Variants in AUTS2 observed in about 807,000 individuals in gnomAD.
AUTS2 encodes the protein activator of transcription and developmental regulator AUTS2.
A neutral mutation model predicts 112.4 loss-of-function variants in AUTS2; 17 were observed. The observed-to-expected ratio is 0.15, with a 90% CI of 0.10 to 0.23. The LOEUF (loss-of-function observed/expected upper bound fraction) is 0.23, where lower values mean the gene tolerates loss of function less well. AUTS2 is among the 10% of genes least tolerant of loss of function. The pLI, the probability that AUTS2 is intolerant of heterozygous loss-of-function variation, is 1.00. For missense variants in AUTS2, 1,510 were observed against 1,701.6 expected (o/e 0.89, Z 1.98); for synonymous variants, 751 against 702.7 (o/e 1.07, Z -1.09).
intron 4 of AUTS2, among the ~76,000 whole-genome samples, chr7:70,282,211 C>G (rs1333655970): frequency 6.6e-6 from 1 of 152,106 alleles, no homozygotes; most frequent in Non-Finnish European, 1.5e-5. Flanking sequence ...CTAGCATGCA[C>G]CTCAAAACTC....
chr7:69,882,022 C>T (rs1036386652), intron 1 of AUTS2, among the ~76,000 whole-genome samples: 2 of 151,444 alleles, frequency 1.3e-5, no homozygotes, highest in African/African-American at 4.9e-5. Context: ...TGGTGGTGCA[C>T]GCCTGTAACC....
At position 69,895,060 on chromosome 7, in the gene AUTS2, A is replaced by G. The variant is rs1370485936; in HGVS notation, c.310-4226A>G. ...AGAGACTGCCCAGGTTTCCTTAAGG[A>G]AGTTCTTAAATTAGTGCTACTGGTT... On this transcript the variant is annotated intron_variant, in intron 1 of 18. Coordinates refer to ENST00000342771, the MANE Select transcript of AUTS2 (RefSeq NM_015570.4). Among the ~76,000 whole-genome samples the G allele has an allele frequency of 3.3e-5, 5 of 152,120 alleles. No individual in the cohort carries two copies. The East Asian group carries it at 9.6e-4, about 29-fold the overall frequency.
chr7:69,743,041 C>CT (rs1317282885), intron 1 of AUTS2, among the ~76,000 whole-genome samples: 1 of 152,202 alleles, frequency 6.6e-6, no homozygotes, highest in African/African-American at 2.4e-5. Context: ...GGAGGCAACA[C>CT]TTTGATGCTT....
intron 4 of AUTS2, among the ~76,000 whole-genome samples, chr7:70,323,357 A>T (rs1790342659): frequency 6.6e-6 from 1 of 152,104 alleles, no homozygotes; most frequent in Admixed American, 6.5e-5. Context: ...CTGTGCCAGG[A>T]TCTTTATGTT....
intron 5 of AUTS2, among the ~76,000 whole-genome samples, chr7:70,514,032 A>T (rs1799313309): frequency 6.6e-6 from 1 of 152,110 alleles, no homozygotes; most frequent in South Asian, 2.1e-4. Context: ...TTTAACCTTT[A>T]TGTAAATAAT....
chr7:70,782,126 G>A (rs917947162), intron 15 of AUTS2: 3 of 237,560 alleles, frequency 1.3e-5, no homozygotes, highest in Admixed American at 5.5e-5. Context: ...GGATGCGGTC[G>A]CCCTTAATAC....
chr7:70,259,021 C>G (rs1237394476), intron 4 of AUTS2, among the ~76,000 whole-genome samples: 2 of 152,138 alleles, frequency 1.3e-5, no homozygotes, highest in Non-Finnish European at 2.9e-5. Context: ...TTATGTGGTG[C>G]CCTTCAGGAA....
At chr7:69,927,783 A>G (rs1340835639) in intron 2 of AUTS2, among the ~76,000 whole-genome samples, 2 of 152,252 alleles carry the variant, frequency 1.3e-5, no homozygotes, top group African/African-American at 4.8e-5. Context: ...TGGCTGGACC[A>G]GATGTACCAC....
intron 4 of AUTS2, among the ~76,000 whole-genome samples, chr7:70,371,295 A>T (rs1792825630): frequency 6.6e-6 from 1 of 152,222 alleles, no homozygotes; most frequent in Non-Finnish European, 1.5e-5. Flanking sequence ...CATGATTCTG[A>T]TGCACAGTGA....
intron 5 of AUTS2, among the ~76,000 whole-genome samples, chr7:70,696,966 AC>A (rs1024230417): frequency 4.3e-4 from 65 of 152,218 alleles, no homozygotes; most frequent in African/African-American, 1.5e-3. Context: ...TCTAAGAAAC[AC>A]TTTTTCATGA....
At chr7:70,400,939 G>T (rs1324467882) in intron 4 of AUTS2, among the ~76,000 whole-genome samples, 2 of 152,172 alleles carry the variant, frequency 1.3e-5, no homozygotes, top group Non-Finnish European at 2.9e-5. Flanking sequence ...TCTGGCAGCA[G>T]CGTACAAGAT....
At chr7:69,726,718 A>C (rs1786533614) in intron 1 of AUTS2, among the ~76,000 whole-genome samples, 1 of 152,166 alleles carries the variant, frequency 6.6e-6, no homozygotes, top group African/African-American at 2.4e-5. Context: ...TGGTATGATA[A>C]GTCTTTTTAA....
intron 5 of AUTS2, among the ~76,000 whole-genome samples, chr7:70,689,200 A>T (rs914104479): frequency 1.1e-4 from 17 of 152,084 alleles, no homozygotes; most frequent in Admixed American, 2.0e-4. Flanking sequence ...CTAGAAAAAA[A>T]TTTTTAAAAA....
intron 4 of AUTS2, among the ~76,000 whole-genome samples, chr7:70,334,681 T>G (rs1053163361): frequency 3.3e-5 from 5 of 152,216 alleles, no homozygotes. Flanking sequence ...CTTCTCTTCC[T>G]TCTATTGACT....
At position 69,985,701 on chromosome 7, in the gene AUTS2, T is replaced by C. The variant is rs17141095; in HGVS notation, c.522+86203T>C. Among the ~76,000 whole-genome samples, 1,316 of 152,034 alleles carry C rather than the reference T, an allele frequency of 8.7e-3. 51 individuals are homozygous for C. The East Asian group carries it at 0.1, about 12-fold the overall frequency. On this transcript the variant is annotated intron_variant, in intron 2 of 18. Coordinates refer to ENST00000342771, the MANE Select transcript of AUTS2 (RefSeq NM_015570.4). ...TCCATTCTGTACTGTAGCTCTTAAC[T>C]CAAACATTAGCTCTTTAGTGTGGTC...
chr7:70,472,202 T>C (rs1797411824), intron 5 of AUTS2, among the ~76,000 whole-genome samples: 1 of 152,194 alleles, frequency 6.6e-6, no homozygotes, highest in South Asian at 2.1e-4. Context: ...TTACATAGTG[T>C]GCCACATCCC....
chr7:70,351,089 C>A (rs1425650694), intron 4 of AUTS2, among the ~76,000 whole-genome samples: 1 of 148,388 alleles, frequency 6.7e-6, no homozygotes, highest in Non-Finnish European at 1.5e-5. Context: ...CTCGCTCTGT[C>A]ACCCAGGCTG....
chr7:69,754,250 C>A (rs898428492), intron 1 of AUTS2, among the ~76,000 whole-genome samples: 1 of 152,112 alleles, frequency 6.6e-6, no homozygotes, highest in African/African-American at 2.4e-5. Context: ...GTGGGGACAA[C>A]ATATGTTACA....
intron 4 of AUTS2, among the ~76,000 whole-genome samples, chr7:70,155,582 A>G (rs1211594553): frequency 6.6e-6 from 1 of 151,730 alleles, no homozygotes; most frequent in African/African-American, 2.4e-5. Flanking sequence ...CTTTCTCGGT[A>G]TCCGTCTCTG....
Sources: allele counts gnomAD v4.1 joint callset (sites outside exome capture counted in the v4.1 genomes callset), GRCh38; gene constraint gnomAD v4.1.1; transcripts MANE v1.5; gene names NCBI Gene and HGNC (gene_info 2026-07-23, HGNC 2026-07-21).